The following PTPRJ variants were observed in gnomAD, a reference collection of about 807,000 sequenced individuals.
The protein encoded by PTPRJ is protein tyrosine phosphatase receptor type J.
A neutral mutation model predicts 141.3 loss-of-function variants in PTPRJ; 129 were observed. That is an observed-to-expected ratio of 0.91 (90% CI 0.79 to 1.06). PTPRJ has a LOEUF of 1.06. PTPRJ is among the 50% of genes least tolerant of loss of function. The probability of loss-of-function intolerance (pLI) is 0.00; values close to 1 mark genes in which losing one functional copy is unlikely to be tolerated. For missense variants in PTPRJ, 1,601 were observed against 1,679.7 expected, an observed-to-expected ratio of 0.95 and a Z score of 0.82; for synonymous variants, 610 against 640.5, an observed-to-expected ratio of 0.95 and a Z score of 0.72.
Position 48,121,206 on chromosome 11 carries a change from A to G in PTPRJ, c.556A>G (p.Ile186Val). 2 of 1,614,174 alleles carry G rather than the reference A, an allele frequency of 1.2e-6. No individual in the cohort carries two copies. The highest frequency in any genetic ancestry group is 1.7e-6 in the Non-Finnish European group (2 of 1,179,980). ...TCCAGCGACTTCATATGTATTCTCC[A>G]TCACTCCAGGAATAGGCAATGAGAC... ...LRPATSYVFS[I>V]TPGIGNETWG... Residue 186 changes from isoleucine (I) to valine (V), a missense_variant, in exon 4 of 25, where the codon ATC (isoleucine) becomes GTC (valine). Transcript: ENST00000418331.
At chr11:48,075,015 T>C (rs1855363106) in intron 1 of PTPRJ, among the ~76,000 whole-genome samples, 1 of 152,220 alleles carries the variant, frequency 6.6e-6, no homozygotes, top group African/African-American at 2.4e-5. Flanking sequence ...AGCTAGTGGG[T>C]GTATACCAGC....
Position 48,049,323 on chromosome 11 carries a change from C to T in PTPRJ, c.97-60735C>T, listed in dbSNP as rs149279251. On this transcript the variant is annotated intron_variant, in intron 1 of 24. Transcript: ENST00000418331. ...CTAATTGAGAACCACCGAGTCATGG[C>T]AACCATTTCAAACCCTAAGCCAGGA... Among the ~76,000 whole-genome samples, 67 of 152,012 alleles carry T rather than the reference C, an allele frequency of 4.4e-4. No individual in the cohort carries two copies. The Middle Eastern group carries it at 0.014, about 31-fold the overall frequency.
At chr11:48,092,504 A>G (rs534022879) in intron 1 of PTPRJ, among the ~76,000 whole-genome samples, 166 of 151,622 alleles carry the variant, frequency 1.1e-3, no homozygotes, top group African/African-American at 3.6e-3. Flanking sequence ...ATCTTGGCTC[A>G]CTGCAACTTC....
At chr11:48,027,286 C>T (rs1000837842) in intron 1 of PTPRJ, among the ~76,000 whole-genome samples, 3 of 151,016 alleles carry the variant, frequency 2.0e-5, no homozygotes, top group African/African-American at 7.3e-5. Context: ...GGATTACAGG[C>T]ATGAGCCACC....
intron 1 of PTPRJ, among the ~76,000 whole-genome samples, chr11:48,048,619 C>T (rs535202867): frequency 1.3e-5 from 2 of 151,998 alleles, no homozygotes; most frequent in Non-Finnish European, 2.9e-5. Context: ...CACGGCGAAA[C>T]CCCGTCTCTA....
chr11:47,996,208 G>T (rs994855208), intron 1 of PTPRJ, among the ~76,000 whole-genome samples: 5 of 151,760 alleles, frequency 3.3e-5, no homozygotes, highest in Non-Finnish European at 5.9e-5. Context: ...GGTGGTGGGT[G>T]CATGTAGTCC....
chr11:48,035,330 G>A (rs918882859), intron 1 of PTPRJ, among the ~76,000 whole-genome samples: 4 of 152,122 alleles, frequency 2.6e-5, no homozygotes, highest in Admixed American at 1.3e-4. Context: ...CTAAAGCACC[G>A]CAGATCTCCT....
intron 11 of PTPRJ, among the ~76,000 whole-genome samples, chr11:48,140,988 A>G (rs1288582585): frequency 1.3e-5 from 2 of 152,048 alleles, no homozygotes; most frequent in East Asian, 1.9e-4. Context: ...TTAGACAATT[A>G]TGTTGTGGTT....
In PTPRJ at chr11:48,123,860, AG is replaced by A; in HGVS notation, c.866del (p.Gly289ValfsTer47). The A allele has an allele frequency of 6.2e-7, 1 of 1,613,910 alleles. No individual in the cohort carries two copies. The highest frequency in any genetic ancestry group is 8.5e-7 in the Non-Finnish European group (1 of 1,179,832). The part of the protein sequence containing the change: ...KTKGDPLGTE[G>X]GLDASNTERS... ...CAAAGGGAGACCCCTTGGGCACAGA[AG>A]GTGGCTTGGGTGAGTTACAAAGGGT... On this transcript the variant is annotated frameshift_variant, in exon 5 of 25. Transcript: ENST00000418331. LOFTEE classifies it high-confidence loss of function.
At chr11:48,063,412 G>T (rs1273290692) in intron 1 of PTPRJ, among the ~76,000 whole-genome samples, 3 of 152,212 alleles carry the variant, frequency 2.0e-5, no homozygotes, top group Non-Finnish European at 2.9e-5. Flanking sequence ...GAGGGTTTTG[G>T]TCTCTTTCTC....
intron 1 of PTPRJ, among the ~76,000 whole-genome samples, chr11:47,996,095 A>T (rs542104551): frequency 2.6e-5 from 4 of 151,998 alleles, no homozygotes; most frequent in Admixed American, 6.5e-5. Context: ...GCACTATGGG[A>T]GGCCAAGGCG....
At position 48,011,797 on chromosome 11, in the gene PTPRJ, G is replaced by T. The variant is rs1025661498; in HGVS notation, c.96+30789G>T. 3.3e-5 allele frequency among the ~76,000 whole-genome samples: 5 copies of T among 151,998 alleles called. No homozygotes were observed. The East Asian group carries it at 5.8e-4, about 18-fold the overall frequency. The stretch of plus-strand genomic sequence containing the variant: ...CCACCTCAGCCTTCCAAGTATCTGG[G>T]ACCACAGGCACATGTCACCACACCT... On this transcript the variant is annotated intron_variant, in intron 1 of 24. Coordinates refer to ENST00000418331, the MANE Select transcript of PTPRJ (RefSeq NM_002843.4).
Position 48,145,142 on chromosome 11 carries a change from GT to G in PTPRJ, c.2911+19del, listed in dbSNP as rs756484663. The G allele has an allele frequency of 1.7e-5, 27 of 1,613,148 alleles. No homozygotes were observed. In the African/African-American group the frequency reaches 2.8e-4, roughly 17 times the overall value. ...GGATCCAGGTAGGGAGAAGACAACA[GT>G]CCTGGCACTGGTTCAGTGGCATTTT... On this transcript the variant is annotated intron_variant, in intron 14 of 24. Transcript: ENST00000418331.
At chr11:48,143,372 T>C (rs1857278018) in intron 12 of PTPRJ, among the ~76,000 whole-genome samples, 1 of 152,216 alleles carries the variant, frequency 6.6e-6, no homozygotes, top group African/African-American at 2.4e-5. Flanking sequence ...CTAGATGTTA[T>C]TTACCATGGC....
At chr11:48,017,158 A>G (rs1371818277) in intron 1 of PTPRJ, among the ~76,000 whole-genome samples, 2 of 152,156 alleles carry the variant, frequency 1.3e-5, no homozygotes, top group Non-Finnish European at 2.9e-5. Context: ...TCCAGATTTG[A>G]TCCCAAGTAG....
At chr11:48,145,231 G>C in intron 14 of PTPRJ, 107 bp downstream of exon 14, 1 of 1,481,590 alleles carries the variant, frequency 6.7e-7, no homozygotes, top group Non-Finnish European at 9.2e-7. Context: ...AGGAGGGTTG[G>C]TGTGCCCAGC....
chr11:48,002,385 A>C (rs1590395277), intron 1 of PTPRJ, among the ~76,000 whole-genome samples: 1 of 151,736 alleles, frequency 6.6e-6, no homozygotes, highest in Non-Finnish European at 1.5e-5. Flanking sequence ...TGATCTGCCC[A>C]CCTCGGCCTC....
intron 2 of PTPRJ, among the ~76,000 whole-genome samples, chr11:48,112,157 G>A (rs531205817): frequency 1.3e-5 from 2 of 152,300 alleles, no homozygotes; most frequent in Non-Finnish European, 2.9e-5. Flanking sequence ...AGAAGGTTGT[G>A]CTCCACCCTT....
At chr11:48,156,466 A>G (rs1182854936) in intron 21 of PTPRJ, among the ~76,000 whole-genome samples, 1 of 152,038 alleles carries the variant, frequency 6.6e-6, no homozygotes, top group African/African-American at 2.4e-5. Flanking sequence ...GGACAAGCCC[A>G]TCATGTCTCT....
Sources: gnomAD v4.1 joint callset for allele counts (sites outside exome capture counted in the v4.1 genomes callset) on GRCh38, gnomAD v4.1.1 for gene constraint, MANE v1.5 for transcripts, NCBI Gene and HGNC (gene_info 2026-07-23, HGNC 2026-07-21) for gene names.